The following GMDS variants were observed in gnomAD, a reference collection of about 807,000 sequenced individuals.
GMDS encodes the protein GDP-mannose 4,6 dehydratase.
GMDS carries 20 observed loss-of-function variants against 49.9 expected under a neutral mutation model. The ratio of observed to expected loss-of-function variants is 0.40; its 90% CI spans 0.28 to 0.58. The LOEUF (loss-of-function observed/expected upper bound fraction) is 0.58. Ranked by LOEUF, GMDS falls within the 20% of genes least tolerant of loss-of-function variation. The probability of loss-of-function intolerance (pLI) is 0.42; values close to 1 mark genes in which losing one functional copy is unlikely to be tolerated. For missense variants in GMDS, 362 were observed against 481.4 expected (o/e 0.75, Z 2.32); for synonymous variants, 177 against 178.6 (o/e 0.99, Z 0.07).
intron 4 of GMDS, among the ~76,000 whole-genome samples, chr6:2,022,533 A>C (rs1165511752): frequency 6.6e-6 from 1 of 152,214 alleles, no homozygotes; most frequent in Non-Finnish European, 1.5e-5. Flanking sequence ...AAAATATCAG[A>C]AATGAGATCA....
chr6:2,203,334 A>G (rs971397379), intron 1 of GMDS, among the ~76,000 whole-genome samples: 2 of 152,220 alleles, frequency 1.3e-5, no homozygotes, highest in Non-Finnish European at 2.9e-5. Flanking sequence ...ACAATTCTCC[A>G]ATTTAAAAAT....
chr6:1,951,308 C>T (rs552789837), intron 6 of GMDS, among the ~76,000 whole-genome samples: 54 of 152,196 alleles, frequency 3.5e-4, no homozygotes, highest in Non-Finnish European at 6.2e-4. Context: ...ATGCTCAAGA[C>T]GAAAACTCAA....
chr6:1,843,559 T>C (rs1480637587), intron 7 of GMDS, among the ~76,000 whole-genome samples: 7 of 151,986 alleles, frequency 4.6e-5, no homozygotes. Context: ...CTCAAGCTCA[T>C]GAGTTTGAGA....
chr6:2,199,368 T>C (rs1015720699), intron 1 of GMDS, among the ~76,000 whole-genome samples: 1 of 152,200 alleles, frequency 6.6e-6, no homozygotes, highest in Non-Finnish European at 1.5e-5. Context: ...CAGCCAGAAA[T>C]CTTTATAAAA....
At chr6:2,135,561 T>C (rs1581697311) in intron 1 of GMDS, among the ~76,000 whole-genome samples, 1 of 152,054 alleles carries the variant, frequency 6.6e-6, no homozygotes, top group Non-Finnish European at 1.5e-5. Context: ...GTTTCTATAA[T>C]CTAGCGAGAG....
At position 1,944,509 on chromosome 6, in the gene GMDS, A is replaced by AAT. The variant is rs1554136559; in HGVS notation, c.644-14281_644-14280dup. Among the ~76,000 whole-genome samples the AAT allele has an allele frequency of 4.0e-3, 589 of 146,636 alleles. 3 individuals carry two copies. The highest frequency in any genetic ancestry group is 0.013 in the African/African-American group (538 of 39,918). ...GACAGAGCCAGATTGCGTCTAAAAA[A>AAT]ATATATATATATTAGCCAGGCGTGG... On this transcript the variant is annotated intron_variant, in intron 6 of 10. Coordinates refer to ENST00000380815, the MANE Select transcript of GMDS (RefSeq NM_001500.4).
At chr6:1,691,186 G>C (rs1019631117) in intron 9 of GMDS, among the ~76,000 whole-genome samples, 1 of 152,106 alleles carries the variant, frequency 6.6e-6, no homozygotes, top group African/African-American at 2.4e-5. Context: ...AACATAAAAA[G>C]GAATGAGTTC....
Position 1,833,931 on chromosome 6 carries a change from C to A in GMDS, c.772-91345G>T, listed in dbSNP as rs1756798796. Among the ~76,000 whole-genome samples the A allele has an allele frequency of 6.6e-6, 1 of 152,110 alleles. No individual in the cohort carries two copies. The highest frequency in any genetic ancestry group is 6.6e-5 in the Admixed American group (1 of 15,256). ...TCACAATGCATATATCGCATCAAAT[C>A]CATAGAACAACTCTAATATTCTTAC... On this transcript the variant is annotated intron_variant, in intron 7 of 10. Coordinates refer to ENST00000380815, the MANE Select transcript of GMDS (RefSeq NM_001500.4). The surrounding 1 kb of genome is among the most constrained non-coding windows in gnomAD (Gnocchi z 4.4).
At chr6:1,916,444 AGAG>A (rs1008809983) in intron 7 of GMDS, among the ~76,000 whole-genome samples, 7 of 151,930 alleles carry the variant, frequency 4.6e-5, no homozygotes, top group Non-Finnish European at 8.8e-5. Context: ...AGGGAGAGAG[AGAG>A]GAGATGAGCT....
At chr6:1,945,369 G>C (rs1383006371) in intron 6 of GMDS, among the ~76,000 whole-genome samples, 1 of 152,044 alleles carries the variant, frequency 6.6e-6, no homozygotes, top group African/African-American at 2.4e-5. Context: ...GAGCCTGTGT[G>C]GCAACAGGAG....
intron 2 of GMDS, 56 bp from the exon 3 acceptor site, chr6:2,117,612 C>A: frequency 1.2e-6 from 1 of 863,052 alleles, no homozygotes; most frequent in South Asian, 1.4e-5. Context: ...TAAACAACTT[C>A]TTTAGCTAAT....
chr6:1,992,615 G>A (rs555078800), intron 4 of GMDS, among the ~76,000 whole-genome samples: 2 of 151,964 alleles, frequency 1.3e-5, no homozygotes, highest in South Asian at 4.2e-4. Context: ...TTCCACATGA[G>A]GTCTCTGTGA....
chr6:2,063,130 A>G (rs1399024265), intron 4 of GMDS, among the ~76,000 whole-genome samples: 3 of 152,232 alleles, frequency 2.0e-5, no homozygotes, highest in Admixed American at 6.5e-5. Flanking sequence ...CATGCATGGC[A>G]CAGTGCCTGA....
chr6:1,684,654 G>A (rs367926057), intron 9 of GMDS, among the ~76,000 whole-genome samples: 4 of 152,122 alleles, frequency 2.6e-5, no homozygotes, highest in Non-Finnish European at 4.4e-5. Flanking sequence ...GAAAAGGGGC[G>A]GTGTTGGGGG....
intron 6 of GMDS, among the ~76,000 whole-genome samples, chr6:1,933,250 T>C (rs1344597262): frequency 1.3e-5 from 2 of 152,260 alleles, no homozygotes; most frequent in Non-Finnish European, 2.9e-5. Context: ...TTCTATTATA[T>C]GTATATACCA....
chr6:1,680,993 G>C (rs1044918108), intron 9 of GMDS, among the ~76,000 whole-genome samples: 1 of 152,082 alleles, frequency 6.6e-6, no homozygotes, highest in Non-Finnish European at 1.5e-5. Flanking sequence ...TTGCCTCCTC[G>C]GCAGGGAGGA....
chr6:1,867,905 C>T (rs1312916001), intron 7 of GMDS, among the ~76,000 whole-genome samples: 1 of 152,052 alleles, frequency 6.6e-6, no homozygotes, highest in African/African-American at 2.4e-5. Flanking sequence ...GTAGGTGTTC[C>T]TCGTGTCTGT....
chr6:1,954,510 A>C (rs1247763347), intron 6 of GMDS, among the ~76,000 whole-genome samples: 1 of 152,264 alleles, frequency 6.6e-6, no homozygotes, highest in Non-Finnish European at 1.5e-5. Context: ...AATTGGAGTC[A>C]ATCTCTCAAA....
chr6:2,045,753 A>AT (rs1769969744), intron 4 of GMDS, among the ~76,000 whole-genome samples: 1 of 150,398 alleles, frequency 6.6e-6, no homozygotes, highest in Non-Finnish European at 1.5e-5. Context: ...TGAAATAAAA[A>AT]AGAGCTAGCC....
Sources: allele counts gnomAD v4.1 joint callset (sites outside exome capture counted in the v4.1 genomes callset), GRCh38; gene constraint gnomAD v4.1.1; non-coding constraint Gnocchi (gnomAD v3.1); transcripts MANE v1.5; gene names NCBI Gene and HGNC (gene_info 2026-07-23, HGNC 2026-07-21).